The following SMAD2 variants were observed in gnomAD, a reference collection of about 807,000 sequenced individuals.
The protein encoded by SMAD2 is MAD homolog 2.
A neutral mutation model predicts 64.4 loss-of-function variants in SMAD2; 8 were observed. That is an observed-to-expected ratio of 0.12 (90% CI 0.07 to 0.22). The LOEUF (loss-of-function observed/expected upper bound fraction) is 0.22, where lower values mean the gene tolerates loss of function less well. Among genes scored for constraint, SMAD2 ranks in the 10% least tolerant of loss-of-function variants. The pLI is 1.00. For missense variants in SMAD2, 289 were observed against 561.2 expected, an observed-to-expected ratio of 0.51 and a Z score of 4.90; for synonymous variants, 203 against 195.8, an observed-to-expected ratio of 1.04 and a Z score of -0.31.
chr18:47,865,509 T>C (rs2031491857), intron 5 of SMAD2, among the ~76,000 whole-genome samples: 1 of 152,158 alleles, frequency 6.6e-6, no homozygotes. Context: ...TTTAATCTAA[T>C]GAACATCGTT....
intron 1 of SMAD2, among the ~76,000 whole-genome samples, chr18:47,927,648 C>T (rs1002817248): frequency 3.3e-5 from 5 of 152,168 alleles, no homozygotes; most frequent in African/African-American, 1.2e-4. Context: ...GCCTGTAATC[C>T]CAGCACTTTG....
At chr18:47,893,844 T>C (rs1200872104) in intron 2 of SMAD2, among the ~76,000 whole-genome samples, 4 of 152,334 alleles carry the variant, frequency 2.6e-5, no homozygotes, top group African/African-American at 4.8e-5. Context: ...ATCTCCATTT[T>C]TGCAACATCT....
rs2032791550 is a variant in SMAD2, at chr18:47,884,728, T to C, written c.236+11793A>G. Among the ~76,000 whole-genome samples the C allele has an allele frequency of 2.0e-5, 3 of 152,036 alleles. No individual in the cohort carries two copies. In the South Asian group the frequency reaches 6.2e-4, roughly 32 times the overall value. On this transcript the variant is annotated intron_variant, in intron 2 of 10. Coordinates refer to ENST00000262160, the MANE Select transcript of SMAD2 (RefSeq NM_005901.6). Reference sequence around the variant, plus strand: ...AAAAATAGGCGGAGACAACAGAACTTCCATAATCACACTCCTGTAAGTCAC... The same window carrying C: ...AAAAATAGGCGGAGACAACAGAACTCCCATAATCACACTCCTGTAAGTCAC...
At chr18:47,929,235 G>C (rs1205802426) in intron 1 of SMAD2, among the ~76,000 whole-genome samples, 1 of 152,124 alleles carries the variant, frequency 6.6e-6, no homozygotes, top group Non-Finnish European at 1.5e-5. Flanking sequence ...TTCTCTGTAA[G>C]ATGGAAACTT....
At chr18:47,882,584 A>G (rs184061165) in intron 2 of SMAD2, 42 of 152,326 alleles carry the variant, frequency 2.8e-4, no homozygotes, top group African/African-American at 9.9e-4. Flanking sequence ...TATGTTAGTG[A>G]TATATTAATC....
chr18:47,879,391 G>A (rs1004375784), intron 2 of SMAD2, among the ~76,000 whole-genome samples: 8 of 151,996 alleles, frequency 5.3e-5, no homozygotes, highest in African/African-American at 7.3e-5. Flanking sequence ...CATAGGTGTC[G>A]TGTCTTCTGG....
intron 1 of SMAD2, among the ~76,000 whole-genome samples, chr18:47,918,834 T>C (rs979603111): frequency 1.3e-5 from 2 of 151,546 alleles, no homozygotes; most frequent in African/African-American, 4.9e-5. Flanking sequence ...TGGGAAACAG[T>C]AGAGAAAATG....
intron 2 of SMAD2, among the ~76,000 whole-genome samples, chr18:47,888,588 A>C (rs536848283): frequency 2.6e-5 from 4 of 152,240 alleles, no homozygotes; most frequent in Non-Finnish European, 5.9e-5. Context: ...TTTGCAGGAA[A>C]GGTATAATCC....
chr18:47,836,317 C>T lies in SMAD2; in HGVS notation c.*5510G>A, dbSNP rs1328193218. On this transcript the variant is annotated 3_prime_UTR_variant, in exon 11 of 11. Transcript: ENST00000262160. The stretch of plus-strand genomic sequence containing the variant: ...AAAGTTAACCCTAAGTTAGTACATC[C>T]CAGAATCTGCTGGATGTATAATAAT... 1 of 223,144 alleles carries T rather than the reference C, an allele frequency of 4.5e-6. No homozygotes were observed. Among genetic ancestry groups the T allele is most frequent in the East Asian group, 6.5e-5 (1 of 15,416 alleles). 13.8% of individuals were successfully genotyped at this position (223,144 alleles called of 1,614,324 possible).
chr18:47,821,842 T>C lies in SMAD2; in HGVS notation c.*19985A>G, dbSNP rs1354400168. On this transcript the variant is annotated 3_prime_UTR_variant, in exon 11 of 11. Coordinates refer to ENST00000262160, the MANE Select transcript of SMAD2 (RefSeq NM_005901.6). ...ACTTTCTGCATTGCTTCTTAAGTCTTTTGATTATCATTCTTGTTAAATATT... is the reference window on the plus strand; with the variant it reads ...ACTTTCTGCATTGCTTCTTAAGTCTCTTGATTATCATTCTTGTTAAATATT... 1 of 152,222 alleles carries C rather than the reference T, an allele frequency of 6.6e-6. No homozygotes were observed. Among genetic ancestry groups the C allele is most frequent in the African/African-American group, 2.4e-5 (1 of 41,452 alleles). 9.4% of individuals were successfully genotyped at this position (152,222 alleles called of 1,614,324 possible).
intron 2 of SMAD2, among the ~76,000 whole-genome samples, chr18:47,891,636 T>C (rs981404791): frequency 1.3e-5 from 2 of 152,026 alleles, no homozygotes; most frequent in African/African-American, 4.8e-5. Context: ...GTGACCCTCC[T>C]GCCTCAACCT....
At chr18:47,875,817 T>C (rs2032231682) in intron 2 of SMAD2, among the ~76,000 whole-genome samples, 1 of 152,136 alleles carries the variant, frequency 6.6e-6, no homozygotes. Flanking sequence ...TAAGACTAAA[T>C]GGATTAGGGA....
chr18:47,892,274 A>C (rs1301276249), intron 2 of SMAD2, among the ~76,000 whole-genome samples: 2 of 149,866 alleles, frequency 1.3e-5, no homozygotes, highest in African/African-American at 2.5e-5. Flanking sequence ...ATCTGGGCTC[A>C]CCGCAACCTG....
chr18:47,847,008 T>G (rs1385184226), intron 8 of SMAD2, among the ~76,000 whole-genome samples: 1 of 152,022 alleles, frequency 6.6e-6, no homozygotes, highest in Non-Finnish European at 1.5e-5. Flanking sequence ...GTCCAAAAAG[T>G]AGAGATTTTT....
intron 6 of SMAD2, among the ~76,000 whole-genome samples, chr18:47,857,836 G>A (rs996987210): frequency 2.6e-5 from 4 of 152,322 alleles, no homozygotes; most frequent in African/African-American, 7.2e-5. Context: ...CTTTAGCTGA[G>A]TACATGTTAG....
At position 47,820,668 on chromosome 18, in the gene SMAD2, G is replaced by GT. The variant is rs1314399286; in HGVS notation, c.*21158dup. The GT allele has an allele frequency of 1.3e-5, 2 of 152,110 alleles. No individual in the cohort carries two copies. The highest frequency in any genetic ancestry group is 6.6e-5 in the Admixed American group (1 of 15,258). 9.4% of individuals were successfully genotyped at this position (152,110 alleles called of 1,614,324 possible). ...GGGGAAGTATAAAACAAAGCAGAAAGTTTAAGCATGTCACTGAAGGTCTGT... is the reference window on the plus strand; with the variant it reads ...GGGGAAGTATAAAACAAAGCAGAAAGTTTTAAGCATGTCACTGAAGGTCTGT... On this transcript the variant is annotated 3_prime_UTR_variant, in exon 11 of 11. Coordinates refer to ENST00000262160, the MANE Select transcript of SMAD2 (RefSeq NM_005901.6).
rs561562537 is a variant in SMAD2 at position 47,812,851 on chromosome 18, C to T, written c.*28976G>A. The T allele has an allele frequency of 1.3e-5, 2 of 152,362 alleles. No homozygotes were observed. Among genetic ancestry groups the T allele is most frequent in the South Asian group, 4.1e-4 (2 of 4,828 alleles). The allele number at this position is 152,362 out of a possible 1,614,324, so 9.4% of individuals were successfully genotyped here. ...GTATCTCATGAACATCCAAGTACCA[C>T]TTCTTGTAGGAAGCAGGGGTAACTT... is the stretch of plus-strand genomic sequence containing the variant. On this transcript the variant is annotated 3_prime_UTR_variant, in exon 11 of 11. Coordinates refer to ENST00000262160, the MANE Select transcript of SMAD2 (RefSeq NM_005901.6).
chr18:47,825,846 T>C lies in SMAD2; in HGVS notation c.*15981A>G, dbSNP rs1440138234. 1 of 152,212 alleles carries C rather than the reference T, an allele frequency of 6.6e-6. No homozygotes were observed. Among genetic ancestry groups the C allele is most frequent in the Non-Finnish European group, 1.5e-5 (1 of 68,034 alleles). 9.4% of individuals were successfully genotyped at this position (152,212 alleles called of 1,614,324 possible). A position where few individuals can be genotyped will look rare whatever the true frequency, so the allele number is the denominator to read the frequency against. ...CAACCAAATTACTGCTAAACCAGTA[T>C]TGGGAAGCTTCCTAAAGCACTCCAA... On this transcript the variant is annotated 3_prime_UTR_variant, in exon 11 of 11. Coordinates refer to ENST00000262160, the MANE Select transcript of SMAD2 (RefSeq NM_005901.6).
At chr18:47,856,702 TTC>T (rs920303328) in intron 6 of SMAD2, among the ~76,000 whole-genome samples, 7 of 152,324 alleles carry the variant, frequency 4.6e-5, no homozygotes, top group African/African-American at 1.7e-4. Flanking sequence ...CCTACTGAAT[TTC>T]TCTGTCATTT....
Sources: gnomAD v4.1 joint callset for allele counts (sites outside exome capture counted in the v4.1 genomes callset) on GRCh38, gnomAD v4.1.1 for gene constraint, MANE v1.5 for transcripts, NCBI Gene and HGNC (gene_info 2026-07-23, HGNC 2026-07-21) for gene names.